RPS3: variants seen among roughly 807,000 people sequenced by gnomAD.
The protein encoded by RPS3 is small ribosomal subunit protein uS3.
Under a neutral mutation model 25.8 loss-of-function variants are expected in RPS3, and 2 were observed. The observed-to-expected ratio is 0.08, with a 90% CI of 0.03 to 0.24. The LOEUF (loss-of-function observed/expected upper bound fraction) is 0.24, where lower values mean the gene tolerates loss of function less well. Ranked by LOEUF, RPS3 falls within the 10% of genes least tolerant of loss-of-function variation. The pLI is 1.00. For missense variants in RPS3, 107 were observed against 307.1 expected (o/e 0.35, Z 4.87); for synonymous variants, 114 against 114.2 (o/e 1.00, Z 0.01).
In RPS3 at chr11:75,399,541, C is replaced by A. The variant is rs771091990; in HGVS notation, c.-7C>A. On this transcript the variant is annotated 5_prime_UTR_variant, in exon 1 of 7. Coordinates refer to ENST00000531188, the MANE Select transcript of RPS3 (RefSeq NM_001005.5). ...TTCCTTTCCTTTCAGCGGAGCGCGGCGGCAAGATGGCAGTGCAAATATCCA... is the reference window on the plus strand; with the variant it reads ...TTCCTTTCCTTTCAGCGGAGCGCGGAGGCAAGATGGCAGTGCAAATATCCA... The A allele has an allele frequency of 1.9e-6, 3 of 1,613,764 alleles. No homozygotes were observed. Among genetic ancestry groups the A allele is most frequent in the Non-Finnish European group, 2.5e-6 (3 of 1,179,914 alleles).
At position 75,399,523 on chromosome 11, in the gene RPS3, C is replaced by G. The variant is rs200915680; in HGVS notation, c.-25C>G. The G allele has an allele frequency of 1.2e-6, 2 of 1,613,874 alleles. No homozygotes were observed. The highest frequency in any genetic ancestry group is 1.7e-6 in the Non-Finnish European group (2 of 1,179,834). On this transcript the variant is annotated 5_prime_UTR_variant, in exon 1 of 7. Coordinates refer to ENST00000531188, the MANE Select transcript of RPS3 (RefSeq NM_001005.5). ...CTTCCGCCCGCGAGCCACTTCCTTT[C>G]CTTTCAGCGGAGCGCGGCGGCAAGA...
chr11:75,413,139 T>C (rs1268741607), intron 6 of RPS3, among the ~76,000 whole-genome samples: 1 of 152,224 alleles, frequency 6.6e-6, no homozygotes, highest in Non-Finnish European at 1.5e-5. Context: ...TGTTAGTCTA[T>C]TCATAAACAT....
Position 75,399,592 on chromosome 11 carries a change from A to G in RPS3, c.30+15A>G. 1.2e-6 allele frequency: 2 copies of G among 1,611,568 alleles called. No homozygotes were observed. Among genetic ancestry groups the G allele is most frequent in the Non-Finnish European group, 1.7e-6 (2 of 1,178,032 alleles). Reference sequence around the variant, plus strand: ...AGAAGAGGAAGGTGAGCCTCTGGGGACTGGGTTCGGAGAACGACGGCGCCG... The same window carrying G: ...AGAAGAGGAAGGTGAGCCTCTGGGGGCTGGGTTCGGAGAACGACGGCGCCG... On this transcript the variant is annotated intron_variant, in intron 1 of 6. Coordinates refer to ENST00000531188, the MANE Select transcript of RPS3 (RefSeq NM_001005.5).
In RPS3 at chr11:75,404,045, A is replaced by G. The variant is rs1948248252; in HGVS notation, c.376A>G (p.Ile126Val). The G allele has an allele frequency of 6.2e-7, 1 of 1,612,978 alleles. No homozygotes were observed. The highest frequency in any genetic ancestry group is 8.5e-7 in the Non-Finnish European group (1 of 1,179,994). The change falls in exon 5 of 7, where the codon ATC becomes GTC. Residue 126 changes from isoleucine (I) to valine (V), a missense_variant. This residue lies in a region of RPS3 where 81 missense variants were observed against 286.8 expected (regional missense o/e 0.28). Coordinates refer to ENST00000531188, the MANE Select transcript of RPS3 (RefSeq NM_001005.5). The surrounding 1 kb of genome is among the most constrained non-coding windows in gnomAD (Gnocchi z 4.6). ...RRACYGVLRF[I>V]MESGAKGCEV... Reference sequence around the variant, plus strand: ...GGCCTGCTATGGTGTGCTGCGGTTCATCATGGAGAGTGGGGCCAAAGGCTG... The same window carrying G: ...GGCCTGCTATGGTGTGCTGCGGTTCGTCATGGAGAGTGGGGCCAAAGGCTG...
At chr11:75,402,746 G>A (rs909107374) in intron 4 of RPS3, 4 of 199,990 alleles carry the variant, frequency 2.0e-5, no homozygotes, top group Non-Finnish European at 3.1e-5. Context: ...TTCTTGAGAA[G>A]GCTTTACAAA....
At chr11:75,417,254 G>A (rs558505217) in intron 6 of RPS3, among the ~76,000 whole-genome samples, 35 of 152,234 alleles carry the variant, frequency 2.3e-4, no homozygotes, top group African/African-American at 7.7e-4. Flanking sequence ...AGAATCATTT[G>A]AGCTTAGGGG....
chr11:75,418,381 A>T (rs1010922314), intron 6 of RPS3, among the ~76,000 whole-genome samples: 1 of 152,186 alleles, frequency 6.6e-6, no homozygotes, highest in African/African-American at 2.4e-5. Flanking sequence ...TTTTAACCGT[A>T]TTTGGGTTAT....
rs199887874 is a variant in RPS3 at position 75,413,669 on chromosome 11, C to T, written c.*4-8058C>T. Among the ~76,000 whole-genome samples the T allele has an allele frequency of 2.6e-4, 40 of 152,296 alleles. No individual in the cohort carries two copies. The East Asian group carries it at 5.2e-3, about 20-fold the overall frequency. ...GTATGACAATACTGGCAGCTTAATG[C>T]ACAGTTTGTTCAGAAGCCATTTTAG... On this transcript the variant is annotated intron_variant, in intron 6 of 6. Coordinates refer to the RPS3 transcript ENST00000527446.
downstream of RPS3, among the ~76,000 whole-genome samples, chr11:75,408,583 G>GT (rs894993883): frequency 1.3e-5 from 2 of 151,986 alleles, no homozygotes; most frequent in Admixed American, 1.3e-4. Flanking sequence ...CAAGTGGGAG[G>GT]TTTTTTTTCT....
At chr11:75,399,903 A>C (rs1358986141) in intron 1 of RPS3, 5 of 465,860 alleles carry the variant, frequency 1.1e-5, no homozygotes, top group Non-Finnish European at 1.5e-5. Flanking sequence ...CTCATGTCTT[A>C]TCCCGTGGTT....
chr11:75,400,932 G>C (rs1466273931), intron 2 of RPS3, 108 bp downstream of exon 2: 15 of 1,378,940 alleles, frequency 1.1e-5, no homozygotes, highest in Non-Finnish European at 1.2e-5. Context: ...CCCAAAGCTG[G>C]AGTGCAGTGG....
intron 3 of RPS3, 65 bp downstream of exon 3, chr11:75,401,798 A>G (rs934852845): frequency 1.1e-6 from 1 of 896,790 alleles, no homozygotes; most frequent in Non-Finnish European, 1.9e-6. Flanking sequence ...AAAACTCTCA[A>G]CTTGGAGACT....
chr11:75,409,575 A>T (rs1948322779), downstream of RPS3, among the ~76,000 whole-genome samples: 1 of 139,622 alleles, frequency 7.2e-6, no homozygotes, highest in Non-Finnish European at 1.6e-5. Flanking sequence ...AAAGTCTCCC[A>T]TGTCTACTTC....
chr11:75,416,655 A>G (rs1489622253), intron 6 of RPS3, among the ~76,000 whole-genome samples: 1 of 151,880 alleles, frequency 6.6e-6, no homozygotes, highest in African/African-American at 2.4e-5. Flanking sequence ...ACGGGGTTTC[A>G]CCATGTTGGC....
Position 75,404,427 on chromosome 11 carries a change from T to C in RPS3, c.538+220T>C, listed in dbSNP as rs751669443. 7.7e-6 allele frequency: 6 copies of C among 783,810 alleles called. No homozygotes were observed. In the Admixed American group the frequency reaches 1.0e-4, roughly 13 times the overall value. The allele number at this position is 783,810 out of a possible 1,614,324, so 48.6% of individuals were successfully genotyped here. On this transcript the variant is annotated intron_variant, in intron 5 of 6. Transcript: ENST00000531188. The surrounding 1 kb of genome is among the most constrained non-coding windows in gnomAD (Gnocchi z 4.6). ...TTTTAGCCATCTGTGTACCCTTCAG[T>C]GATGACACGATGACGAGTCAGAAAG...
chr11:75,404,852 T>C lies in RPS3; in HGVS notation c.719T>C (p.Val240Ala). The change falls in exon 6 of 7, where the codon GTC becomes GCC. Residue 240 changes from valine (V) to alanine (A), a missense_variant. Physicochemically the swap from Val to Ala is moderately conservative, Grantham distance 64. Coordinates refer to ENST00000531188, the MANE Select transcript of RPS3 (RefSeq NM_001005.5). The surrounding 1 kb of genome is among the most constrained non-coding windows in gnomAD (Gnocchi z 4.6). ...GAGCCGCCTGCCATGCCCCAGCCAG[T>C]CCCCACAGCATAACAGGTATGTCTG... ...KPEPPAMPQP[V>A]PTA 1 of 1,611,946 alleles carries C rather than the reference T, an allele frequency of 6.2e-7. No homozygotes were observed. The highest frequency in any genetic ancestry group is 8.5e-7 in the Non-Finnish European group (1 of 1,178,610).
In RPS3 at chr11:75,400,729, T is replaced by C. The variant is rs938942571; in HGVS notation, c.66T>C (p.Asn22=). The part of the protein sequence containing the change: ...VADGIFKAEL[N]EFLTRELAED... ...ATGGCATCTTCAAAGCTGAACTGAA[T>C]GAGTTTCTTACTCGGGAGCTGGCTG... Residue 22 remains asparagine (N), a synonymous_variant, in exon 2 of 7, where the codon AAT becomes AAC. Transcript: ENST00000531188. 15 of 1,613,396 alleles carry C rather than the reference T, an allele frequency of 9.3e-6. No individual in the cohort carries two copies. Among genetic ancestry groups the C allele is most frequent in the Non-Finnish European group, 1.1e-5 (13 of 1,179,726 alleles).
intron 6 of RPS3, among the ~76,000 whole-genome samples, chr11:75,415,911 G>T (rs1477452381): frequency 6.6e-6 from 1 of 151,114 alleles, no homozygotes; most frequent in South Asian, 2.1e-4. Context: ...AGAAGGCGGA[G>T]GTTGCAGTGA....
chr11:75,411,651 A>G (rs34503349), downstream of RPS3, among the ~76,000 whole-genome samples: 10,914 of 152,202 alleles, frequency 0.072, 521 homozygotes, highest in South Asian at 0.22. Flanking sequence ...CGGCCTCCCA[A>G]AGTGCTGGGA....
Sources: allele counts gnomAD v4.1 joint callset (sites outside exome capture counted in the v4.1 genomes callset), GRCh38; gene constraint gnomAD v4.1.1; regional missense constraint gnomAD v4.1.1; non-coding constraint Gnocchi (gnomAD v3.1); transcripts MANE v1.5; gene names NCBI Gene and HGNC (gene_info 2026-07-23, HGNC 2026-07-21).